Variants in HTR1F observed in about 807,000 individuals in gnomAD.
HTR1F encodes 5-hydroxytryptamine receptor 1F.
A neutral mutation model predicts 24.0 loss-of-function variants in HTR1F; 17 were observed. The observed-to-expected ratio is 0.71, with a 90% CI of 0.48 to 1.06. HTR1F has a LOEUF of 1.06. Ranked by LOEUF, HTR1F falls within the 50% of genes least tolerant of loss-of-function variation. The pLI is 0.00. For synonymous variants in HTR1F, 186 were observed against 156.8 expected, an observed-to-expected ratio of 1.19 and a Z score of -1.39; for missense variants, 391 against 427.8, an observed-to-expected ratio of 0.91 and a Z score of 0.76.
intron 2 of HTR1F, among the ~76,000 whole-genome samples, chr3:87,937,212 T>C (rs1283618953): frequency 2.0e-5 from 3 of 152,068 alleles, no homozygotes; most frequent in Non-Finnish European, 4.4e-5. Flanking sequence ...TTGGTAAACA[T>C]TGATGCAAAA....
intron 2 of HTR1F, among the ~76,000 whole-genome samples, chr3:87,824,322 T>C (rs1244663560): frequency 6.6e-6 from 1 of 152,184 alleles, no homozygotes; most frequent in Admixed American, 6.5e-5. Flanking sequence ...GCAAGTCCTA[T>C]GCATCCTACT....
intron 2 of HTR1F, among the ~76,000 whole-genome samples, chr3:87,925,341 G>A (rs569343089): frequency 1.3e-5 from 2 of 152,242 alleles, no homozygotes; most frequent in East Asian, 1.9e-4. Context: ...GTGCTGGGTG[G>A]TCAGTTCTTG....
rs563018958 is a variant in HTR1F, at chr3:87,897,281, A to T, written c.-43+75157A>T. Among the ~76,000 whole-genome samples, 3 of 150,200 alleles carry T rather than the reference A, an allele frequency of 2.0e-5. No homozygotes were observed. The East Asian group carries it at 5.8e-4, about 29-fold the overall frequency. ...CAGCCTTTAAAATGGAGAAGATTAT[A>T]CCATTTGCTACAACATGGATAGACA... On this transcript the variant is annotated intron_variant, in intron 2 of 2. Transcript: ENST00000319595.
At chr3:87,883,941 C>A (rs113162213) in intron 2 of HTR1F, among the ~76,000 whole-genome samples, 24,420 of 152,074 alleles carry the variant, frequency 0.16, 2,268 homozygotes, top group African/African-American at 0.25. Flanking sequence ...TCCAGGAGAA[C>A]TTCCCCAACC....
chr3:87,831,006 T>C (rs1704562010), intron 2 of HTR1F, among the ~76,000 whole-genome samples: 1 of 152,214 alleles, frequency 6.6e-6, no homozygotes, highest in African/African-American at 2.4e-5. Context: ...CTGTGTCCTA[T>C]TCAGTGCAAT....
intron 2 of HTR1F, among the ~76,000 whole-genome samples, chr3:87,986,215 C>T (rs1344838460): frequency 6.6e-6 from 1 of 152,080 alleles, no homozygotes; most frequent in African/African-American, 2.4e-5. Context: ...TGGTCAGAGG[C>T]CATGTCTAAA....
At chr3:87,918,711 A>G (rs1703948111) in intron 2 of HTR1F, among the ~76,000 whole-genome samples, 1 of 152,112 alleles carries the variant, frequency 6.6e-6, no homozygotes, top group South Asian at 2.1e-4. Flanking sequence ...CACTGCTGAA[A>G]GAAATTGTAG....
At chr3:87,816,188 T>C (rs369355538) in intron 1 of HTR1F, among the ~76,000 whole-genome samples, 3 of 152,086 alleles carry the variant, frequency 2.0e-5, no homozygotes, top group Non-Finnish European at 4.4e-5. Flanking sequence ...AACCTCCAAA[T>C]TGATAAATCC....
chr3:87,922,774 C>A (rs1443621214), intron 2 of HTR1F, among the ~76,000 whole-genome samples: 2 of 151,354 alleles, frequency 1.3e-5, no homozygotes, highest in African/African-American at 4.9e-5. Context: ...TTTATTAAGA[C>A]TGTCCCTTCC....
At chr3:87,989,586 T>C (rs1423401649) in intron 2 of HTR1F, among the ~76,000 whole-genome samples, 3 of 152,216 alleles carry the variant, frequency 2.0e-5, no homozygotes, top group Non-Finnish European at 2.9e-5. Flanking sequence ...ATAACCTCCA[T>C]AGCTTGACAT....
At chr3:87,853,868 C>A (rs62267039) in intron 2 of HTR1F, among the ~76,000 whole-genome samples, 3 of 151,810 alleles carry the variant, frequency 2.0e-5, no homozygotes, top group Admixed American at 2.0e-4. Context: ...CTTCTTTTAA[C>A]GAGTGTCTGT....
At chr3:87,824,728 T>A (rs551566849) in intron 2 of HTR1F, among the ~76,000 whole-genome samples, 1 of 152,312 alleles carries the variant, frequency 6.6e-6, no homozygotes, top group African/African-American at 2.4e-5. Context: ...TGTGCTTTCA[T>A]AAGCACATTA....
chr3:87,914,611 G>C (rs192223209), intron 2 of HTR1F, among the ~76,000 whole-genome samples: 6 of 151,950 alleles, frequency 3.9e-5, no homozygotes, highest in Admixed American at 2.6e-4. Flanking sequence ...ACTCAGCAGA[G>C]GCAGCCATAA....
At chr3:87,978,486 T>TACAGCAACAGTACAGC (rs1210875569) in intron 2 of HTR1F, among the ~76,000 whole-genome samples, 1 of 152,108 alleles carries the variant, frequency 6.6e-6, no homozygotes, top group Non-Finnish European at 1.5e-5. Flanking sequence ...CTCAGTACAG[T>TACAGCAACAGTACAGC]ACAGCAACAG....
intron 2 of HTR1F, among the ~76,000 whole-genome samples, chr3:87,958,930 T>A (rs1312488433): frequency 6.6e-6 from 1 of 151,724 alleles, no homozygotes; most frequent in Non-Finnish European, 1.5e-5. Context: ...TCCATCTTCC[T>A]CATCTCTGAA....
At chr3:87,909,895 T>C (rs1703740789) in intron 2 of HTR1F, among the ~76,000 whole-genome samples, 1 of 151,958 alleles carries the variant, frequency 6.6e-6, no homozygotes, top group African/African-American at 2.4e-5. Context: ...TACTATCCAG[T>C]TTTCTTTAAG....
chr3:87,984,462 G>A (rs201845386), intron 2 of HTR1F, among the ~76,000 whole-genome samples: 1 of 143,598 alleles, frequency 7.0e-6, no homozygotes, highest in South Asian at 2.3e-4. Context: ...TGTTTGTTTT[G>A]TTTTTGTTTT....
intron 2 of HTR1F, among the ~76,000 whole-genome samples, chr3:87,923,318 G>A (rs373912002): frequency 1.3e-5 from 2 of 151,820 alleles, no homozygotes; most frequent in East Asian, 3.9e-4. Flanking sequence ...GGTATTTTAA[G>A]AGGGATCACA....
At chr3:87,925,200 A>G (rs147472128) in intron 2 of HTR1F, among the ~76,000 whole-genome samples, 1 of 152,212 alleles carries the variant, frequency 6.6e-6, no homozygotes, top group East Asian at 1.9e-4. Context: ...TGAGCAAGCC[A>G]GTTCTTTGGC....
Sources: allele counts gnomAD v4.1 joint callset (sites outside exome capture counted in the v4.1 genomes callset), GRCh38; gene constraint gnomAD v4.1.1; transcripts MANE v1.5; gene names NCBI Gene and HGNC (gene_info 2026-07-23, HGNC 2026-07-21).